The following SESTD1 variants were observed in gnomAD, a reference collection of about 807,000 sequenced individuals.
SESTD1 encodes SEC14 domain and spectrin repeat-containing protein 1.
A neutral mutation model predicts 101.7 loss-of-function variants in SESTD1; 43 were observed. The observed-to-expected ratio is 0.42, with a 90% CI of 0.33 to 0.55. SESTD1 has a LOEUF of 0.55. SESTD1 is among the 20% of genes least tolerant of loss of function. The probability of loss-of-function intolerance (pLI) is 0.07; values close to 1 mark genes in which losing one functional copy is unlikely to be tolerated. For missense variants in SESTD1, 647 were observed against 815.1 expected (o/e 0.79, Z 2.51); for synonymous variants, 283 against 286.8 (o/e 0.99, Z 0.13).
chr2:179,123,851 G>T, intron 11 of SESTD1, 22 bp from the exon 12 acceptor site: 1 of 1,544,784 alleles, frequency 6.5e-7, no homozygotes, highest in Non-Finnish European at 8.9e-7. Flanking sequence ...GGACACCAAA[G>T]AGATAACCCT....
At chr2:179,196,249 G>T (rs745899303) in intron 1 of SESTD1, among the ~76,000 whole-genome samples, 10 of 152,322 alleles carry the variant, frequency 6.6e-5, no homozygotes, top group Admixed American at 6.5e-4. Context: ...CTTTTCCGAC[G>T]GGCTTAAAAA....
At chr2:179,178,170 T>A (rs975929009) in intron 3 of SESTD1, among the ~76,000 whole-genome samples, 1 of 152,230 alleles carries the variant, frequency 6.6e-6, no homozygotes, top group Non-Finnish European at 1.5e-5. Flanking sequence ...ATTGTCTACT[T>A]TAAAAAGACG....
At chr2:179,165,263 TTC>T (rs2105467137) in intron 5 of SESTD1, among the ~76,000 whole-genome samples, 1 of 152,322 alleles carries the variant, frequency 6.6e-6, no homozygotes, top group East Asian at 1.9e-4. Context: ...GTTTTAATGC[TTC>T]TGTTTTAAAA....
At chr2:179,264,171 AC>A (rs1386001743) in intron 1 of SESTD1, 1 of 152,028 alleles carries the variant, frequency 6.6e-6, no homozygotes. Flanking sequence ...GCGCTCAGGA[AC>A]GGAAAAGCGC....
intron 9 of SESTD1, among the ~76,000 whole-genome samples, chr2:179,140,409 G>GA (rs2045252059): frequency 6.6e-6 from 1 of 152,158 alleles, no homozygotes; most frequent in Non-Finnish European, 1.5e-5. Flanking sequence ...CATACAGAGA[G>GA]AAGACAATGT....
chr2:179,188,412 C>T (rs568844146), intron 2 of SESTD1, among the ~76,000 whole-genome samples: 4 of 152,208 alleles, frequency 2.6e-5, no homozygotes, highest in African/African-American at 7.2e-5. Context: ...TCAAAGTGAG[C>T]GAGTCACTTG....
At chr2:179,200,280 A>C (rs1033299746) in intron 1 of SESTD1, among the ~76,000 whole-genome samples, 3 of 152,198 alleles carry the variant, frequency 2.0e-5, no homozygotes, top group Non-Finnish European at 4.4e-5. Flanking sequence ...GAGGATACAA[A>C]CAAATGGTAG....
intron 5 of SESTD1, among the ~76,000 whole-genome samples, chr2:179,163,534 G>A (rs551801349): frequency 1.3e-5 from 2 of 149,506 alleles, no homozygotes; most frequent in African/African-American, 2.5e-5. Context: ...TCAGCATAAA[G>A]GGAACAAGAA....
At chr2:179,250,386 C>T (rs188699338) in intron 1 of SESTD1, among the ~76,000 whole-genome samples, 2 of 152,318 alleles carry the variant, frequency 1.3e-5, no homozygotes, top group Admixed American at 6.5e-5. Context: ...ATTGCAAAAA[C>T]ACTGGATCAC....
chr2:179,130,793 G>A lies in SESTD1; in HGVS notation c.972+1511C>T, dbSNP rs528369370. Reference sequence around the variant, plus strand: ...TAGGAACTAAAGAGAGGAACAAATTGTAGACTCTAACTATAGTAACATGTT... The same window carrying A: ...TAGGAACTAAAGAGAGGAACAAATTATAGACTCTAACTATAGTAACATGTT... On this transcript the variant is annotated intron_variant, in intron 10 of 17. Transcript: ENST00000428443. 3.9e-5 allele frequency among the ~76,000 whole-genome samples: 6 copies of A among 152,026 alleles called. No homozygotes were observed. In the East Asian group the frequency reaches 9.6e-4, roughly 24 times the overall value.
chr2:179,178,288 G>A (rs1028250137), intron 3 of SESTD1, among the ~76,000 whole-genome samples: 4 of 152,058 alleles, frequency 2.6e-5, no homozygotes, highest in African/African-American at 9.7e-5. Flanking sequence ...AAAACTAAAG[G>A]TAAGGCCAAT....
At position 179,132,268 on chromosome 2, in the gene SESTD1, A is replaced by G. The variant is rs770152902; in HGVS notation, c.972+36T>C. The G allele has an allele frequency of 2.8e-5, 42 of 1,518,500 alleles. 1 individual carries two copies. In the South Asian group the frequency reaches 5.2e-4, roughly 19 times the overall value. The allele number at this position is 1,518,500 out of a possible 1,614,324, so 94.1% of individuals were successfully genotyped here. A position where few individuals can be genotyped will look rare whatever the true frequency, so the allele number is the denominator to read the frequency against. On this transcript the variant is annotated intron_variant, in intron 10 of 17. Coordinates refer to ENST00000428443, the MANE Select transcript of SESTD1 (RefSeq NM_178123.5). Reference sequence around the variant, plus strand: ...ATGCTACTAATTACCCACGTTCATAATATCATTGTAACTTGCAGAGGAAAA... The same window carrying G: ...ATGCTACTAATTACCCACGTTCATAGTATCATTGTAACTTGCAGAGGAAAA...
chr2:179,113,830 C>A (rs1020236201), intron 16 of SESTD1, among the ~76,000 whole-genome samples: 1 of 150,388 alleles, frequency 6.6e-6, no homozygotes, highest in Admixed American at 6.6e-5. Flanking sequence ...CATGCCACTG[C>A]ACTCCAGCCT....
intron 1 of SESTD1, among the ~76,000 whole-genome samples, chr2:179,249,094 G>GAAA (rs1198155036): frequency 1.0e-4 from 6 of 58,662 alleles, no homozygotes; most frequent in African/African-American, 3.6e-4. Flanking sequence ...CCGTCTTTAA[G>GAAA]AAAAAAAAAA....
intron 3 of SESTD1, among the ~76,000 whole-genome samples, chr2:179,180,315 T>G (rs1376598102): frequency 6.6e-6 from 1 of 152,138 alleles, no homozygotes; most frequent in African/African-American, 2.4e-5. Context: ...ATTCAAAACG[T>G]TAAGATAGTC....
At chr2:179,182,471 C>T (rs940522461) in intron 3 of SESTD1, among the ~76,000 whole-genome samples, 5 of 152,212 alleles carry the variant, frequency 3.3e-5, no homozygotes, top group East Asian at 1.9e-4. Context: ...ATGACTAATA[C>T]GCAGTCACAG....
chr2:179,192,919 CTG>C (rs1470749173), intron 1 of SESTD1, among the ~76,000 whole-genome samples: 1 of 152,194 alleles, frequency 6.6e-6, no homozygotes, highest in Non-Finnish European at 1.5e-5. Flanking sequence ...TTGAAGTACA[CTG>C]TGAAATTTTA....
intron 1 of SESTD1, among the ~76,000 whole-genome samples, chr2:179,199,357 G>T (rs1183363252): frequency 6.6e-6 from 1 of 152,150 alleles, no homozygotes; most frequent in Admixed American, 6.5e-5. Flanking sequence ...TGGATTCACA[G>T]CTGAATTCTA....
At chr2:179,117,877 G>A (rs1467176923) in intron 13 of SESTD1, among the ~76,000 whole-genome samples, 2 of 152,146 alleles carry the variant, frequency 1.3e-5, no homozygotes, top group Admixed American at 6.5e-5. Context: ...AAAGCAAAAT[G>A]TAAGGACAAT....
Sources: allele counts gnomAD v4.1 joint callset (sites outside exome capture counted in the v4.1 genomes callset), GRCh38; gene constraint gnomAD v4.1.1; transcripts MANE v1.5; gene names NCBI Gene and HGNC (gene_info 2026-07-23, HGNC 2026-07-21).